CALN1: variants seen among roughly 807,000 people sequenced by gnomAD.
The protein encoded by CALN1 is calneuron 1.
A neutral mutation model predicts 30.6 loss-of-function variants in CALN1; 17 were observed. That is an observed-to-expected ratio of 0.56 (90% CI 0.38 to 0.83). CALN1 has a LOEUF of 0.83. Among genes scored for constraint, CALN1 ranks in the 40% least tolerant of loss-of-function variants. CALN1 has a pLI of 0.00. For synonymous variants in CALN1, 156 were observed against 131.4 expected, an observed-to-expected ratio of 1.19 and a Z score of -1.28; for missense variants, 291 against 354.9, an observed-to-expected ratio of 0.82 and a Z score of 1.45.
At chr7:71,811,577 G>C (rs1787958680) in intron 5 of CALN1, among the ~76,000 whole-genome samples, 1 of 152,060 alleles carries the variant, frequency 6.6e-6, no homozygotes, top group Admixed American at 6.6e-5. Context: ...TGCTGAAGGA[G>C]AGGTGCAGAG....
chr7:72,399,866 C>T (rs1056406255), intron 2 of CALN1, among the ~76,000 whole-genome samples: 3 of 152,128 alleles, frequency 2.0e-5, no homozygotes, highest in Non-Finnish European at 2.9e-5. Flanking sequence ...CCTGGGCACC[C>T]TTCCTGTGAT....
At chr7:72,126,704 T>C (rs753323218) in intron 3 of CALN1, among the ~76,000 whole-genome samples, 15 of 151,224 alleles carry the variant, frequency 9.9e-5, no homozygotes, top group South Asian at 2.1e-4. Flanking sequence ...TGAGAACATA[T>C]GATATTTGGT....
chr7:72,199,287 A>C (rs1055418650), intron 3 of CALN1, among the ~76,000 whole-genome samples: 2 of 152,024 alleles, frequency 1.3e-5, no homozygotes, highest in African/African-American at 4.8e-5. Flanking sequence ...ACAACACATC[A>C]ATCAATCAAT....
chr7:72,285,535 G>A (rs1349892154), intron 2 of CALN1, among the ~76,000 whole-genome samples: 6 of 152,098 alleles, frequency 3.9e-5, no homozygotes, highest in African/African-American at 7.2e-5. Context: ...GAACCACAGC[G>A]CCCAGCTCTT....
intron 3 of CALN1, among the ~76,000 whole-genome samples, chr7:72,118,263 T>C (rs1808135581): frequency 6.6e-6 from 1 of 152,224 alleles, no homozygotes; most frequent in South Asian, 2.1e-4. Context: ...CTATCTCAGG[T>C]TATGAAAAAT....
At chr7:72,082,130 G>A (rs936362073) in intron 4 of CALN1, among the ~76,000 whole-genome samples, 1 of 152,108 alleles carries the variant, frequency 6.6e-6, no homozygotes, top group African/African-American at 2.4e-5. Flanking sequence ...GGGATTACAG[G>A]CATGTGCCAC....
chr7:72,231,983 G>A (rs1258337717), intron 3 of CALN1, among the ~76,000 whole-genome samples: 2 of 152,230 alleles, frequency 1.3e-5, no homozygotes, highest in Non-Finnish European at 2.9e-5. Context: ...AGTGCATTGA[G>A]AAGGAGCCTG....
chr7:72,291,265 G>A (rs556424046), intron 2 of CALN1, among the ~76,000 whole-genome samples: 9 of 152,234 alleles, frequency 5.9e-5, no homozygotes. Context: ...TCTTCAGAAT[G>A]TCATTTTATA....
chr7:72,487,868 GAAAGAAAGAAAGAAAGAAAAGA>G, the CALN1 span, among the ~76,000 whole-genome samples: 4,497 of 70,444 alleles, frequency 0.064, 242 homozygotes, highest in Middle Eastern at 0.082. Flanking sequence ...AAGAAAGAAA[GAAAGAAAGAAAGAAAGAAAAGA>G]AAAGAAAGAA....
chr7:71,785,212 T>C lies in CALN1; in HGVS notation c.*2563A>G. The C allele has an allele frequency of 4.8e-6, 1 of 209,026 alleles. No homozygotes were observed. The highest frequency in any genetic ancestry group is 9.5e-6 in the Non-Finnish European group (1 of 105,548). 12.9% of individuals were successfully genotyped at this position (209,026 alleles called of 1,614,324 possible). Reference sequence around the variant, plus strand: ...TAGCAGTCTGCAGAGGAATGCATTCTCCTAGATTTTCCCCTGGGGAGGGTG... The same window carrying C: ...TAGCAGTCTGCAGAGGAATGCATTCCCCTAGATTTTCCCCTGGGGAGGGTG... On this transcript the variant is annotated 3_prime_UTR_variant, in exon 7 of 7. Coordinates refer to ENST00000395275, the MANE Select transcript of CALN1 (RefSeq NM_031468.4).
rs534909307 is a variant in CALN1, at chr7:72,049,332, G to A, written c.389-25563C>T. On this transcript the variant is annotated intron_variant, in intron 4 of 6. Transcript: ENST00000395275. ...ACAAGAGAGAAAGACAAAAGGATCC[G>A]AGAATACTAGAAGGTATAGTAATGA... Among the ~76,000 whole-genome samples the A allele has an allele frequency of 5.3e-5, 8 of 152,250 alleles. No homozygotes were observed. The South Asian group carries it at 8.3e-4, about 16-fold the overall frequency.
Position 72,017,440 on chromosome 7 carries a change from T to C in CALN1, c.501+6217A>G, listed in dbSNP as rs74571026. ...CAAACAGACTTTCATCCCAACCAAA[T>C]TGGGGAACGAGTACCCTATGCACTT... is the stretch of plus-strand genomic sequence containing the variant. On this transcript the variant is annotated intron_variant, in intron 5 of 6. Transcript: ENST00000395275. Among the ~76,000 whole-genome samples the C allele has an allele frequency of 2.6e-3, 402 of 152,144 alleles. 2 individuals carry two copies. The highest frequency in any genetic ancestry group is 4.3e-3 in the Non-Finnish European group (290 of 67,986).
intron 3 of CALN1, among the ~76,000 whole-genome samples, chr7:72,266,491 A>T (rs760574825): frequency 9.2e-5 from 14 of 152,274 alleles, no homozygotes; most frequent in Non-Finnish European, 2.1e-4. Context: ...ATTTGCAGCT[A>T]ATGTCATGCA....
intron 4 of CALN1, among the ~76,000 whole-genome samples, chr7:72,059,721 C>A (rs1803518253): frequency 6.6e-6 from 1 of 152,090 alleles, no homozygotes; most frequent in African/African-American, 2.4e-5. Context: ...TTTATAATCC[C>A]AGTCCTCCTG....
chr7:72,443,286 A>G (rs961453015), intron 1 of CALN1, among the ~76,000 whole-genome samples: 1 of 152,224 alleles, frequency 6.6e-6, no homozygotes, highest in Admixed American at 6.5e-5. Context: ...CACTGCATCC[A>G]GGTGCGTAGG....
At chr7:72,390,589 T>C (rs1038993762) in intron 2 of CALN1, among the ~76,000 whole-genome samples, 22 of 152,164 alleles carry the variant, frequency 1.4e-4, no homozygotes, top group Non-Finnish European at 1.3e-4. Flanking sequence ...ATCCTATAAA[T>C]GAAATCTAGC....
intron 2 of CALN1, among the ~76,000 whole-genome samples, chr7:72,357,785 G>A (rs1803320887): frequency 6.7e-6 from 1 of 149,436 alleles, no homozygotes. Context: ...TGAAGAAAAT[G>A]GTCATGGGGT....
intron 4 of CALN1, among the ~76,000 whole-genome samples, chr7:72,033,378 G>A (rs748888383): frequency 6.6e-6 from 1 of 152,222 alleles, no homozygotes. Flanking sequence ...GTCTATCTGA[G>A]ACTCCATTCA....
chr7:72,410,110 G>C (rs919447904), intron 1 of CALN1, among the ~76,000 whole-genome samples: 1 of 152,140 alleles, frequency 6.6e-6, no homozygotes, highest in African/African-American at 2.4e-5. Context: ...AATGGGGTAC[G>C]AGTTGCTGAC....
Sources: allele counts gnomAD v4.1 joint callset (sites outside exome capture counted in the v4.1 genomes callset), GRCh38; gene constraint gnomAD v4.1.1; transcripts MANE v1.5; gene names NCBI Gene and HGNC (gene_info 2026-07-23, HGNC 2026-07-21).